Variants in FBXO10 observed in about 807,000 individuals in gnomAD.
FBXO10 encodes F-box only protein 10.
In FBXO10, 39 loss-of-function variants were observed where a neutral mutation model predicts 80.7. The observed-to-expected ratio is 0.48, with a 90% confidence interval of 0.37 to 0.63. The LOEUF (loss-of-function observed/expected upper bound fraction) is 0.63. FBXO10 is among the 30% of genes least tolerant of loss of function. The pLI, the probability that FBXO10 is intolerant of heterozygous loss-of-function variation, is 0.00. For synonymous variants in FBXO10, 449 were observed against 489.6 expected (o/e 0.92, Z 1.09); for missense variants, 1,025 against 1,269.0 (o/e 0.81, Z 2.92).
At chr9:37,528,403 CA>C (rs2119083739) in intron 5 of FBXO10, among the ~76,000 whole-genome samples, 1 of 152,328 alleles carries the variant, frequency 6.6e-6, no homozygotes, top group South Asian at 2.1e-4. Context: ...AAGCCACCGT[CA>C]ACGGTTTGCT....
intron 1 of FBXO10, among the ~76,000 whole-genome samples, chr9:37,560,103 TAAG>T (rs779745142): frequency 3.3e-5 from 5 of 152,180 alleles, no homozygotes; most frequent in African/African-American, 1.2e-4. Context: ...AATGCCAGAC[TAAG>T]AAGCTTGTAC....
intron 10 of FBXO10, 44 bp from the exon 11 acceptor site, chr9:37,512,765 C>CA (rs771837615): frequency 1.3e-6 from 2 of 1,587,298 alleles, no homozygotes; most frequent in Admixed American, 3.4e-5. Flanking sequence ...GAGGGGTGTG[C>CA]AGTGCTGGCT....
chr9:37,525,083 A>C lies in FBXO10; in HGVS notation c.1777+19T>G. 1 of 1,554,278 alleles carries C rather than the reference A, an allele frequency of 6.4e-7. No individual in the cohort carries two copies. Among genetic ancestry groups the C allele is most frequent in the African/African-American group, 1.4e-5 (1 of 73,288 alleles). On this transcript the variant is annotated intron_variant, in intron 6 of 10. Transcript: ENST00000432825. ...GACCTTGGCCTGGCTGCCAGGTGCC[A>C]GGCAGTTCCCATCCGTACCTGTGAT...
intron 1 of FBXO10, among the ~76,000 whole-genome samples, chr9:37,550,484 C>CTT (rs1244919357): frequency 1.7e-4 from 20 of 120,534 alleles, no homozygotes; most frequent in African/African-American, 5.6e-4. Flanking sequence ...TGCACCTGGC[C>CTT]TTTTTTTTTT....
intron 3 of FBXO10, among the ~76,000 whole-genome samples, chr9:37,532,402 G>A (rs1474760747): frequency 1.3e-5 from 2 of 150,908 alleles, no homozygotes; most frequent in Non-Finnish European, 2.9e-5. Flanking sequence ...CCAGGCTCAC[G>A]TGATCCTCCC....
At chr9:37,565,042 T>C (rs554898815) in intron 1 of FBXO10, among the ~76,000 whole-genome samples, 170 of 152,258 alleles carry the variant, frequency 1.1e-3, no homozygotes, top group Non-Finnish European at 2.2e-3. Context: ...GTAGAGGTAA[T>C]TGGATCATGG....
intron 3 of FBXO10, 135 bp downstream of exon 3, chr9:37,536,975 A>G (rs1259800590): frequency 2.3e-5 from 15 of 653,056 alleles, no homozygotes; most frequent in Non-Finnish European, 3.5e-5. Flanking sequence ...TTTCCAAATC[A>G]GATGATGGGC....
chr9:37,541,381 G>T lies in FBXO10; in HGVS notation c.388C>A (p.Leu130Met). The change falls in exon 2 of 11, where the codon CTG (leucine) becomes ATG (methionine). Residue 130 changes from leucine (L) to methionine (M), a missense_variant. By Grantham distance (15) the Leu-to-Met change is conservative. Around this residue, in one of 3 missense-constraint regions of FBXO10, gnomAD observed 450 missense variants for 499.4 expected, o/e 0.90. Transcript: ENST00000432825. Reference sequence around the variant, plus strand: ...GGGAAGAGCACAATTCGGTCATACAGGCTGGCCATGGCCAAGGCACTGCCC... The same window carrying T: ...GGGAAGAGCACAATTCGGTCATACATGCTGGCCATGGCCAAGGCACTGCCC... ...SLGSALAMAS[L>M]YDRIVLFPGV... 9.3e-6 allele frequency: 15 copies of T among 1,614,024 alleles called. No homozygotes were observed. The highest frequency in any genetic ancestry group is 1.3e-5 in the Non-Finnish European group (15 of 1,179,884).
chr9:37,532,294 C>CTTTTT (rs869146793), intron 3 of FBXO10, among the ~76,000 whole-genome samples: 5 of 102,410 alleles, frequency 4.9e-5, no homozygotes, highest in Admixed American at 1.1e-4. Context: ...CACATTGGTT[C>CTTTTT]TTTTTTTTTT....
At chr9:37,568,235 T>C (rs1822659574) in intron 1 of FBXO10, among the ~76,000 whole-genome samples, 1 of 152,186 alleles carries the variant, frequency 6.6e-6, no homozygotes, top group Admixed American at 6.5e-5. Flanking sequence ...TCTTGCTCTG[T>C]TGCCCAAACT....
intron 6 of FBXO10, among the ~76,000 whole-genome samples, chr9:37,523,660 G>T (rs149314927): frequency 6.6e-6 from 1 of 152,178 alleles, no homozygotes; most frequent in African/African-American, 2.4e-5. Context: ...GGTGGCTCAC[G>T]CCTGTAACCC....
chr9:37,574,460 A>C (rs1012144876), intron 1 of FBXO10, among the ~76,000 whole-genome samples: 1 of 152,206 alleles, frequency 6.6e-6, no homozygotes, highest in African/African-American at 2.4e-5. Flanking sequence ...CACTATGGTG[A>C]AGGCGGCTCT....
intron 1 of FBXO10, among the ~76,000 whole-genome samples, chr9:37,574,666 G>A (rs953776892): frequency 6.6e-6 from 1 of 152,258 alleles, no homozygotes; most frequent in Middle Eastern, 3.4e-3. Flanking sequence ...GCCTCTCTGT[G>A]TGCTCCTATC....
In FBXO10 at chr9:37,532,003, C is replaced by G; in HGVS notation, c.1475G>C (p.Arg492Pro). The G allele has an allele frequency of 3.7e-6, 6 of 1,613,952 alleles. No homozygotes were observed. The highest frequency in any genetic ancestry group is 5.1e-6 in the Non-Finnish European group (6 of 1,179,860). The change falls in exon 4 of 11, where the codon CGC (arginine) becomes CCC (proline). Residue 492 changes from arginine (R) to proline (P), a missense_variant. Physicochemically the swap from Arg to Pro is moderately radical, Grantham distance 103 (BLOSUM62 -2). Transcript: ENST00000432825. The part of the protein sequence containing the change: ...YRCRASGIFL[R>P]LEGGGLIAGN... The stretch of plus-strand genomic sequence containing the variant: ...GGCAATCAAGCCACCGCCCTCCAAG[C>G]GAAGAAAGATGCCTGACGCTCGGCA...
At chr9:37,532,930 G>C (rs1821666633) in intron 3 of FBXO10, among the ~76,000 whole-genome samples, 1 of 152,106 alleles carries the variant, frequency 6.6e-6, no homozygotes, top group Non-Finnish European at 1.5e-5. Flanking sequence ...TACCACACAG[G>C]TTCTCCTCTC....
At chr9:37,534,098 C>T (rs1821695402) in intron 3 of FBXO10, among the ~76,000 whole-genome samples, 1 of 151,926 alleles carries the variant, frequency 6.6e-6, no homozygotes, top group Non-Finnish European at 1.5e-5. Context: ...GATACCAAAG[C>T]ATGATAATAT....
chr9:37,547,277 A>G (rs1822080242), intron 1 of FBXO10, among the ~76,000 whole-genome samples: 1 of 152,194 alleles, frequency 6.6e-6, no homozygotes, highest in East Asian at 1.9e-4. Flanking sequence ...GTAGACAAGA[A>G]CATGTATGAA....
At chr9:37,543,949 G>A (rs1420245141) in intron 1 of FBXO10, among the ~76,000 whole-genome samples, 1 of 152,180 alleles carries the variant, frequency 6.6e-6, no homozygotes, top group African/African-American at 2.4e-5. Flanking sequence ...GGCCAACATG[G>A]TGAAACTTTG....
intron 5 of FBXO10, among the ~76,000 whole-genome samples, chr9:37,528,240 C>T (rs1439150935): frequency 6.6e-6 from 1 of 152,198 alleles, no homozygotes; most frequent in Non-Finnish European, 1.5e-5. Flanking sequence ...CCTTTCTTTC[C>T]ATCATTCCTT....
Sources: allele counts gnomAD v4.1 joint callset (sites outside exome capture counted in the v4.1 genomes callset), GRCh38; gene constraint gnomAD v4.1.1; regional missense constraint gnomAD v4.1.1; transcripts MANE v1.5; gene names NCBI Gene and HGNC (gene_info 2026-07-23, HGNC 2026-07-21).